SIRPG: variants seen among roughly 807,000 people sequenced by gnomAD.
SIRPG encodes signal regulatory protein gamma.
Under a neutral mutation model 35.7 loss-of-function variants are expected in SIRPG, and 38 were observed. The observed-to-expected ratio is 1.06, with a 90% CI of 0.82 to 1.40. SIRPG has a LOEUF of 1.40. SIRPG is among the 40% of genes most tolerant of loss of function. The probability of loss-of-function intolerance (pLI) is 0.00; values close to 1 mark genes in which losing one functional copy is unlikely to be tolerated. For synonymous variants in SIRPG, 215 were observed against 190.4 expected, an observed-to-expected ratio of 1.13 and a Z score of -1.06; for missense variants, 519 against 483.0, an observed-to-expected ratio of 1.07 and a Z score of -0.70.
intron 1 of SIRPG, among the ~76,000 whole-genome samples, chr20:1,654,131 T>G (rs2091960398): frequency 6.6e-6 from 1 of 151,524 alleles, no homozygotes; most frequent in African/African-American, 2.4e-5. Flanking sequence ...CCCAGCTACT[T>G]GGGAGGCTGA....
the SIRPG span, among the ~76,000 whole-genome samples, chr20:1,667,725 T>G: frequency 1.3e-5 from 2 of 152,352 alleles, no homozygotes; most frequent in African/African-American, 2.4e-5. Flanking sequence ...TGGCTGTATA[T>G]GCTTGTTCAT....
At chr20:1,631,166 C>T (rs2091747018) in intron 4 of SIRPG, among the ~76,000 whole-genome samples, 1 of 152,118 alleles carries the variant, frequency 6.6e-6, no homozygotes, top group Admixed American at 6.5e-5. Flanking sequence ...AAAGATATTA[C>T]AGTATATTTT....
At chr20:1,680,807 A>C in the SIRPG span, among the ~76,000 whole-genome samples, 1 of 151,136 alleles carries the variant, frequency 6.6e-6, no homozygotes, top group Non-Finnish European at 1.5e-5. Context: ...ATTCAAAATT[A>C]TAAGTCATAT....
chr20:1,656,431 A>G (rs1384563529), intron 1 of SIRPG, among the ~76,000 whole-genome samples: 1 of 152,188 alleles, frequency 6.6e-6, no homozygotes, highest in East Asian at 1.9e-4. Flanking sequence ...ACAGGAAGAG[A>G]GCAATTGCTG....
the SIRPG span, among the ~76,000 whole-genome samples, chr20:1,679,365 G>A: frequency 6.6e-6 from 1 of 152,184 alleles, no homozygotes; most frequent in Admixed American, 6.5e-5. Context: ...AGGTACAGCA[G>A]TGTGATAAAG....
intron 1 of SIRPG, among the ~76,000 whole-genome samples, chr20:1,654,498 G>T (rs1180847912): frequency 6.6e-6 from 1 of 152,104 alleles, no homozygotes; most frequent in African/African-American, 2.4e-5. Flanking sequence ...CATGTGTAGG[G>T]GAATGAAATT....
chr20:1,670,153 C>A, the SIRPG span: 1 of 263,482 alleles, frequency 3.8e-6, no homozygotes, highest in Non-Finnish European at 8.3e-6. Flanking sequence ...GCTGTAGGTT[C>A]TAGGGGTAGA....
intron 2 of SIRPG, chr20:1,646,148 G>T (rs2091895812): frequency 6.6e-6 from 1 of 152,198 alleles, no homozygotes; most frequent in African/African-American, 2.4e-5. Flanking sequence ...GTCCCACCAA[G>T]CATTCATGTC....
intron 2 of SIRPG, among the ~76,000 whole-genome samples, chr20:1,645,451 C>T (rs1389754677): frequency 6.6e-6 from 1 of 152,090 alleles, no homozygotes; most frequent in African/African-American, 2.4e-5. Context: ...AATGGGTGGC[C>T]AAGATTGAAA....
intron 1 of SIRPG, among the ~76,000 whole-genome samples, chr20:1,654,710 T>C (rs2091964412): frequency 6.6e-6 from 1 of 152,134 alleles, no homozygotes; most frequent in Non-Finnish European, 1.5e-5. Flanking sequence ...AAAAAGCTTC[T>C]ACCCAGCCAA....
intron 2 of SIRPG, among the ~76,000 whole-genome samples, chr20:1,644,799 G>T (rs1267978218): frequency 6.6e-6 from 1 of 152,176 alleles, no homozygotes. Context: ...TGGGGGGTGG[G>T]GGCTTCCCTG....
intron 4 of SIRPG, 129 bp from the exon 5 acceptor site, chr20:1,630,435 A>T: frequency 4.4e-6 from 3 of 674,436 alleles, no homozygotes; most frequent in Non-Finnish European, 5.1e-6. Flanking sequence ...CATCCTGCCC[A>T]GGCTATCTTC....
Position 1,655,037 on chromosome 20 carries a change from G to A in SIRPG, c.73+2605C>T, listed in dbSNP as rs183018479. 4.3e-3 allele frequency among the ~76,000 whole-genome samples: 656 copies of A among 152,324 alleles called. 8 individuals are homozygous for A. Among genetic ancestry groups the A allele is most frequent in the African/African-American group, 0.015 (642 of 41,572 alleles). On this transcript the variant is annotated intron_variant, in intron 1 of 5. Transcript: ENST00000303415. ...ATCAAAAAGAGGAAATTTAGTATTG[G>A]AGAAGATGTGGAGAAAAGGGAACCC...
chr20:1,679,054 C>T, the SIRPG span, among the ~76,000 whole-genome samples: 2 of 152,140 alleles, frequency 1.3e-5, no homozygotes, highest in African/African-American at 2.4e-5. Context: ...TGGATCCTTG[C>T]GTGAATAGCA....
chr20:1,664,946 C>A, the SIRPG span, among the ~76,000 whole-genome samples: 1 of 152,106 alleles, frequency 6.6e-6, no homozygotes, highest in East Asian at 1.9e-4. Flanking sequence ...AGAATGGAGT[C>A]CAGCATCAAA....
chr20:1,666,989 A>G, the SIRPG span, among the ~76,000 whole-genome samples: 1 of 151,746 alleles, frequency 6.6e-6, no homozygotes, highest in Non-Finnish European at 1.5e-5. Flanking sequence ...GCGGTTCACC[A>G]CACCCTTTAA....
intron 1 of SIRPG, among the ~76,000 whole-genome samples, chr20:1,650,331 A>G (rs1174705999): frequency 2.6e-5 from 4 of 152,118 alleles, no homozygotes; most frequent in African/African-American, 9.7e-5. Flanking sequence ...TCAAGGAAGT[A>G]AAGGAAAAAA....
intron 2 of SIRPG, among the ~76,000 whole-genome samples, chr20:1,639,098 C>T (rs916780780): frequency 7.2e-5 from 11 of 152,046 alleles, no homozygotes; most frequent in African/African-American, 2.7e-4. Flanking sequence ...CATGTGTCCT[C>T]ATAGTAGAAT....
At chr20:1,672,235 T>G in the SIRPG span, among the ~76,000 whole-genome samples, 1 of 152,158 alleles carries the variant, frequency 6.6e-6, no homozygotes, top group Non-Finnish European at 1.5e-5. Context: ...AGAGGATGCT[T>G]CATATAAGTG....
Sources: allele counts gnomAD v4.1 joint callset (sites outside exome capture counted in the v4.1 genomes callset), GRCh38; gene constraint gnomAD v4.1.1; transcripts MANE v1.5; gene names NCBI Gene and HGNC (gene_info 2026-07-23, HGNC 2026-07-21).